Variants in CCM2L observed in about 807,000 individuals in gnomAD.
The protein encoded by CCM2L is CCM2 like scaffold protein.
A neutral mutation model predicts 54.1 loss-of-function variants in CCM2L; 36 were observed. The observed-to-expected ratio is 0.67, with a 90% confidence interval of 0.51 to 0.88. CCM2L has a LOEUF of 0.88. Ranked by LOEUF, CCM2L falls within the 40% of genes least tolerant of loss-of-function variation. The pLI is 0.00. For synonymous variants in CCM2L, 351 were observed against 359.3 expected, an observed-to-expected ratio of 0.98 and a Z score of 0.26; for missense variants, 700 against 812.1, an observed-to-expected ratio of 0.86 and a Z score of 1.68.
At chr20:32,018,553 G>A (rs541726822) in intron 4 of CCM2L, among the ~76,000 whole-genome samples, 1 of 152,170 alleles carries the variant, frequency 6.6e-6, no homozygotes, top group African/African-American at 2.4e-5. Context: ...CCAGGGGCGG[G>A]GCTGAGGAGA....
At chr20:32,011,807 G>A (rs1160644660) in intron 1 of CCM2L, among the ~76,000 whole-genome samples, 1 of 151,920 alleles carries the variant, frequency 6.6e-6, no homozygotes, top group Non-Finnish European at 1.5e-5. Context: ...GGACTGTGTA[G>A]TGGGGGCCCA....
intron 2 of CCM2L, among the ~76,000 whole-genome samples, chr20:32,015,603 T>G (rs897133184): frequency 5.3e-5 from 8 of 152,158 alleles, no homozygotes; most frequent in Non-Finnish European, 1.2e-4. Context: ...GGAATATGTG[T>G]GTGTGTGTAA....
Position 32,031,279 on chromosome 20 carries a change from G to T in CCM2L, c.1681G>T (p.Gly561Cys). 2 of 1,291,448 alleles carry T rather than the reference G, an allele frequency of 1.5e-6. No homozygotes were observed. Among genetic ancestry groups the T allele is most frequent in the East Asian group, 5.6e-5 (1 of 17,944 alleles). 80.0% of individuals were successfully genotyped at this position (1,291,448 alleles called of 1,614,324 possible). The change falls in exon 10 of 10, where the codon GGC (glycine) becomes TGC (cysteine). Residue 561 changes from glycine (G) to cysteine (C), a missense_variant. Gly to Cys is a radical substitution (Grantham distance 159). Coordinates refer to ENST00000452892, the MANE Select transcript of CCM2L (RefSeq NM_001365692.1). Reference protein sequence around the residue: ...DDEDEPRGSRGGSDAAEDNYL With the variant: ...DDEDEPRGSRCGSDAAEDNYL ...CGAGGATGAGCCCCGGGGCTCCAGG[G>T]GCGGGAGCGACGCCGCAGAAGACAA...
chr20:32,016,564 G>A (rs1355075138), intron 2 of CCM2L, among the ~76,000 whole-genome samples: 1 of 152,090 alleles, frequency 6.6e-6, no homozygotes, highest in Non-Finnish European at 1.5e-5. Context: ...GCTGAGGCAG[G>A]ACAATCGCTT....
At chr20:32,010,688 G>A (rs981245831) in intron 1 of CCM2L, among the ~76,000 whole-genome samples, 1 of 152,058 alleles carries the variant, frequency 6.6e-6, no homozygotes, top group African/African-American at 2.4e-5. Flanking sequence ...GTGGCCTCTG[G>A]CATCCCTAAC....
chr20:32,024,931 A>AG, intron 6 of CCM2L, among the ~76,000 whole-genome samples: 1 of 152,280 alleles, frequency 6.6e-6, no homozygotes, highest in Non-Finnish European at 1.5e-5. Context: ...CAGAAATGGT[A>AG]GGGCTAATAA....
intron 2 of CCM2L, 115 bp downstream of exon 2, chr20:32,015,186 G>A: frequency 1.8e-6 from 2 of 1,104,498 alleles, no homozygotes; most frequent in South Asian, 4.0e-5. Flanking sequence ...TGGCTCATTG[G>A]AAAGAGGCCT....
intron 6 of CCM2L, among the ~76,000 whole-genome samples, chr20:32,024,562 C>G (rs1467067872): frequency 6.6e-6 from 1 of 152,188 alleles, no homozygotes; most frequent in Non-Finnish European, 1.5e-5. Context: ...CACAGTGGCT[C>G]ACACCTGTAA....
intron 6 of CCM2L, among the ~76,000 whole-genome samples, chr20:32,025,468 A>G (rs1263824583): frequency 6.6e-6 from 1 of 151,862 alleles, no homozygotes; most frequent in South Asian, 2.1e-4. Context: ...AGGTCGCTCT[A>G]TGTTGTCCAG....
In CCM2L at chr20:32,017,870, T is replaced by G. The variant is rs1367463415; in HGVS notation, c.269T>G (p.Leu90Arg). 6.2e-7 allele frequency: 1 copy of G among 1,613,802 alleles called. No individual in the cohort carries two copies. The highest frequency in any genetic ancestry group is 8.5e-7 in the Non-Finnish European group (1 of 1,179,854). Reference protein sequence around the residue: ...PSSRDELLQLLDTARQLKELP... With the variant: ...PSSRDELLQLRDTARQLKELP... ...AGTCGGGACGAGCTCCTGCAGCTGC[T>G]AGACACCGCCAGGGTGAGACTCTGG... Residue 90 changes from leucine (L) to arginine (R), a missense_variant, in exon 3 of 10, where the codon CTA becomes CGA. Transcript: ENST00000452892.
At chr20:32,021,108 C>A (rs1035348937) in intron 5 of CCM2L, among the ~76,000 whole-genome samples, 1 of 152,148 alleles carries the variant, frequency 6.6e-6, no homozygotes, top group Admixed American at 6.5e-5. Context: ...AGTCTCTTTC[C>A]CCACACAGTC....
intron 9 of CCM2L, among the ~76,000 whole-genome samples, chr20:32,030,212 A>G (rs1401519578): frequency 6.6e-6 from 1 of 152,182 alleles, no homozygotes; most frequent in African/African-American, 2.4e-5. Context: ...AATAATACGA[A>G]TAAGCTGACA....
chr20:32,017,940 T>C (rs2064754282), intron 3 of CCM2L, 39 bp from the exon 4 acceptor site: 1 of 1,613,190 alleles, frequency 6.2e-7, no homozygotes, highest in Non-Finnish European at 8.5e-7. Context: ...CTCTTCTACC[T>C]GCGGACCTCG....
intron 6 of CCM2L, among the ~76,000 whole-genome samples, chr20:32,023,700 C>A (rs958793527): frequency 6.6e-6 from 1 of 152,174 alleles, no homozygotes; most frequent in Non-Finnish European, 1.5e-5. Context: ...CCTTAGGATT[C>A]CCATTTTTTC....
intron 1 of CCM2L, among the ~76,000 whole-genome samples, chr20:32,012,411 C>G (rs2064702559): frequency 6.6e-6 from 1 of 152,088 alleles, no homozygotes; most frequent in African/African-American, 2.4e-5. Flanking sequence ...TATATATTAG[C>G]TAGGTGTGGT....
intron 1 of CCM2L, among the ~76,000 whole-genome samples, chr20:32,012,245 C>A (rs772325324): frequency 6.6e-5 from 10 of 152,070 alleles, no homozygotes; most frequent in Non-Finnish European, 1.3e-4. Context: ...GGCCAATAGG[C>A]CTGGGATGGG....
Position 32,018,995 on chromosome 20 carries a change from A to T in CCM2L, c.519A>T (p.Ala173=). 1 of 1,378,284 alleles carries T rather than the reference A, an allele frequency of 7.3e-7. No individual in the cohort carries two copies. The highest frequency in any genetic ancestry group is 9.3e-7 in the Non-Finnish European group (1 of 1,070,744). The allele number at this position is 1,378,284 out of a possible 1,614,324, so 85.4% of individuals were successfully genotyped here. The change falls in exon 5 of 10, where the codon GCA becomes GCT. Residue 173 remains alanine, a synonymous_variant. Transcript: ENST00000452892. Reference sequence around the variant, plus strand: ...GCGTGGATGCCAGCCCAGGCGGCGCAGGACGCGACCCCGGCCCGCCAGGCG... The same window carrying T: ...GCGTGGATGCCAGCCCAGGCGGCGCTGGACGCGACCCCGGCCCGCCAGGCG... ...PAGVDASPGG[A]GRDPGPPGGA...
At position 32,022,732 on chromosome 20, in the gene CCM2L, T is replaced by C. The variant is rs1003190990; in HGVS notation, c.1006T>C (p.Cys336Arg). 35 of 1,613,850 alleles carry C rather than the reference T, an allele frequency of 2.2e-5. No homozygotes were observed. The highest frequency in any genetic ancestry group is 2.6e-5 in the Non-Finnish European group (31 of 1,180,028). ...CATCTACGGGGACCAGAGTATTGAG[T>C]GTGTGGACCGGGCTGGCTACCACTA... Reference protein sequence around the residue: ...QIIYGDQSIECVDRAGYHYTS... With the variant: ...QIIYGDQSIERVDRAGYHYTS... The change falls in exon 6 of 10, where the codon TGT (cysteine) becomes CGT (arginine). Residue 336 changes from cysteine (C) to arginine (R), a missense_variant. By Grantham distance (180) the Cys-to-Arg change is radical. Transcript: ENST00000452892.
rs1488923228 is a variant in CCM2L, at chr20:32,031,093, A to G, written c.1495A>G (p.Ser499Gly). The G allele has an allele frequency of 7.7e-7, 1 of 1,304,070 alleles. No individual in the cohort carries two copies. Among genetic ancestry groups the G allele is most frequent in the Non-Finnish European group, 1.0e-6 (1 of 988,926 alleles). The allele number at this position is 1,304,070 out of a possible 1,614,324, so 80.8% of individuals were successfully genotyped here. A position where few individuals can be genotyped will look rare whatever the true frequency, so the allele number is the denominator to read the frequency against. ...CCGCGAGGGCGGCATCCTCACTGAC[A>G]GCTTCGGCCGCATCAAGCGCAGCAT... ...GIREGGILTD[S>G]FGRIKRSMSS... The change falls in exon 10 of 10, where the codon AGC becomes GGC. Residue 499 changes from serine to glycine, a missense_variant. By Grantham distance (56) the Ser-to-Gly change is moderately conservative. Coordinates refer to ENST00000452892, the MANE Select transcript of CCM2L (RefSeq NM_001365692.1).
Sources: allele counts gnomAD v4.1 joint callset (sites outside exome capture counted in the v4.1 genomes callset), GRCh38; gene constraint gnomAD v4.1.1; transcripts MANE v1.5; gene names NCBI Gene and HGNC (gene_info 2026-07-23, HGNC 2026-07-21).